Variants in INF2 observed in about 807,000 individuals in gnomAD.
The protein encoded by INF2 is inverted formin-2.
In INF2, 43 loss-of-function variants were observed where a neutral mutation model predicts 123.5. The observed-to-expected ratio is 0.35, with a 90% CI of 0.27 to 0.45. The LOEUF (loss-of-function observed/expected upper bound fraction) is 0.45. Among genes scored for constraint, INF2 ranks in the 20% least tolerant of loss-of-function variants. The pLI, the probability that INF2 is intolerant of heterozygous loss-of-function variation, is 1.00. For synonymous variants in INF2, 851 were observed against 745.0 expected, an observed-to-expected ratio of 1.14 and a Z score of -2.32; for missense variants, 1,453 against 1,682.7, an observed-to-expected ratio of 0.86 and a Z score of 2.39.
chr14:104,689,589 C>CAG, upstream of INF2: 63 of 812,954 alleles, frequency 7.7e-5, no homozygotes, highest in Non-Finnish European at 8.9e-5. Flanking sequence ...CCTCCTCTTC[C>CAG]TCCCGCCCGC....
chr14:104,705,744 G>A (rs776710968), intron 5 of INF2, among the ~76,000 whole-genome samples: 9 of 152,234 alleles, frequency 5.9e-5, no homozygotes, highest in Non-Finnish European at 1.0e-4. Context: ...CTTGGTGCAC[G>A]TTACTCGATG....
intron 1 of INF2, among the ~76,000 whole-genome samples, chr14:104,682,485 A>G (rs1888549747): frequency 6.6e-6 from 1 of 152,178 alleles, no homozygotes; most frequent in Non-Finnish European, 1.5e-5. Context: ...CAGGGCCAGG[A>G]GGCGGGAGGG....
intron 1 of INF2, chr14:104,681,610 G>A: frequency 2.3e-6 from 3 of 1,288,398 alleles, no homozygotes; most frequent in Non-Finnish European, 3.0e-6. Flanking sequence ...ACAAGGCCAA[G>A]CTGGGGTAGC....
upstream of INF2, among the ~76,000 whole-genome samples, chr14:104,686,503 G>A (rs1019923586): frequency 6.6e-6 from 1 of 152,018 alleles, no homozygotes; most frequent in African/African-American, 2.4e-5. Context: ...ATGGATGGAT[G>A]AATGGGTGAA....
chr14:104,703,035 T>C, intron 2 of INF2, 70 bp from the exon 3 acceptor site: 1 of 1,314,568 alleles, frequency 7.6e-7, no homozygotes, highest in Non-Finnish European at 1.1e-6. Flanking sequence ...GCCCCAGCCC[T>C]GAGCCCAGCT....
upstream of INF2, chr14:104,689,483 G>A (rs927701627): frequency 1.3e-4 from 55 of 435,206 alleles, no homozygotes; most frequent in Admixed American, 1.1e-3. Context: ...ACCGGCCACA[G>A]TGGGCGGGGC....
chr14:104,685,047 G>A (rs1888623006), upstream of INF2: 1 of 152,206 alleles, frequency 6.6e-6, no homozygotes, highest in African/African-American at 2.4e-5. Flanking sequence ...GATGCAGACT[G>A]TTCTTAAGCA....
chr14:104,708,343 C>A, intron 8 of INF2, 93 bp from the exon 9 acceptor site: 1 of 1,515,102 alleles, frequency 6.6e-7, no homozygotes, highest in Non-Finnish European at 9.0e-7. Flanking sequence ...GCAGGACATC[C>A]TTTAGACCCT....
chr14:104,701,188 C>T (rs1290992967), intron 1 of INF2, among the ~76,000 whole-genome samples, 169 bp from the exon 2 acceptor site: 1 of 152,174 alleles, frequency 6.6e-6, no homozygotes, highest in Admixed American at 6.5e-5. Context: ...ACAGGGAAGC[C>T]TAAGATATAG....
chr14:104,696,393 G>A (rs1042481117), intron 1 of INF2, among the ~76,000 whole-genome samples: 1 of 152,216 alleles, frequency 6.6e-6, no homozygotes, highest in South Asian at 2.1e-4. Context: ...CCATGCCCCT[G>A]GACACGTGGC....
chr14:104,701,985 G>C (rs1369658864), intron 2 of INF2, among the ~76,000 whole-genome samples: 2 of 152,176 alleles, frequency 1.3e-5, no homozygotes, highest in Non-Finnish European at 2.9e-5. Flanking sequence ...TGCTGCACCA[G>C]CGGTCCCCCT....
chr14:104,706,804 G>C lies in INF2; in HGVS notation c.844-106G>C, dbSNP rs546766191. 5 of 1,302,096 alleles carry C rather than the reference G, an allele frequency of 3.8e-6. No homozygotes were observed. In the African/African-American group the frequency reaches 5.9e-5, roughly 15 times the overall value. 80.7% of individuals were successfully genotyped at this position (1,302,096 alleles called of 1,614,324 possible). Reference sequence around the variant, plus strand: ...AACTCTCATCTCTAGGGATCCGTGGGAATAGAGGGGGTGATGGGGCTGGAC... The same window carrying C: ...AACTCTCATCTCTAGGGATCCGTGGCAATAGAGGGGGTGATGGGGCTGGAC... On this transcript the variant is annotated intron_variant, in intron 6 of 22. Transcript: ENST00000392634.
In INF2 at chr14:104,707,763, G is replaced by GCCCCCC; in HGVS notation, c.1499_1500insCCCCCC (p.Pro504_Pro505dup). 3 of 1,042,966 alleles carry GCCCCCC rather than the reference G, an allele frequency of 2.9e-6. No individual in the cohort carries two copies. Among genetic ancestry groups the GCCCCCC allele is most frequent in the South Asian group, 2.7e-5 (2 of 73,258 alleles). 64.6% of individuals were successfully genotyped at this position (1,042,966 alleles called of 1,614,324 possible). ...CCTCCACCACTCCCGGGCTTGGGAT[G>GCCCCCC]CCCGCCCCCACCCCCACCCCTGCTG... On this transcript the variant is annotated inframe_insertion, in exon 8 of 23. Transcript: ENST00000392634.
intron 12 of INF2, 52 bp from the exon 13 acceptor site, chr14:104,710,036 C>A: frequency 7.0e-7 from 1 of 1,435,174 alleles, no homozygotes; most frequent in Non-Finnish European, 9.6e-7. Context: ...GCCCCTCTGG[C>A]AGGGACAGGT....
In INF2 at chr14:104,706,874, C is replaced by T. The variant is rs7142337; in HGVS notation, c.844-36C>T. 0.01 allele frequency: 16,671 copies of T among 1,597,180 alleles called. 1,171 individuals are homozygous for T. The African/African-American group carries it at 0.17, about 17-fold the overall frequency. ...AGTCCTTAGTCCACCAGGGAGGGGC[C>T]GGCTGCTGACCTGCACCCCACACTC... On this transcript the variant is annotated intron_variant, in intron 6 of 22. Transcript: ENST00000392634.
chr14:104,689,631 G>T lies in INF2; in HGVS notation c.-118G>T. The T allele has an allele frequency of 1.7e-6, 1 of 600,070 alleles. No homozygotes were observed. The highest frequency in any genetic ancestry group is 2.1e-6 in the Non-Finnish European group (1 of 483,522). 37.2% of individuals were successfully genotyped at this position (600,070 alleles called of 1,614,324 possible). ...CGCCCCGCGCCCGCCAGGAGCCACC[G>T]TCCGAGCCTTGCGGAGCGCGGCAGT... On this transcript the variant is annotated 5_prime_UTR_variant, in exon 1 of 23. Transcript: ENST00000392634.
At position 104,701,561 on chromosome 14, in the gene INF2, G is replaced by A. The variant is rs1332843219; in HGVS notation, c.196G>A (p.Val66Met). ...RLEGSDGGWM[V>M]QFLEQSGLDL... is the part of the protein sequence containing the mutation. ...GGAGGGCAGCGACGGCGGCTGGATG[G>A]TGCAGTTCCTGGAGCAGAGCGGCCT... Residue 66 changes from valine to methionine, a missense_variant, in exon 2 of 23, where the codon GTG (valine) becomes ATG (methionine). Physicochemically the swap from Val to Met is conservative, Grantham distance 21. Around this residue, in one of 8 missense-constraint regions of INF2, gnomAD observed 251 missense variants for 349.4 expected, o/e 0.72. Transcript: ENST00000392634. 1 of 1,608,730 alleles carries A rather than the reference G, an allele frequency of 6.2e-7. No homozygotes were observed.
chr14:104,700,347 C>T (rs1000404109), intron 1 of INF2, among the ~76,000 whole-genome samples: 13 of 152,164 alleles, frequency 8.5e-5, no homozygotes, highest in Non-Finnish European at 1.2e-4. Flanking sequence ...AAGCCGAGGG[C>T]CAGGGTGGAG....
In INF2 at chr14:104,699,293, A is replaced by G. The variant is rs2140628412; in HGVS notation, c.-9-2064A>G. 1 of 611,338 alleles carries G rather than the reference A, an allele frequency of 1.6e-6. No homozygotes were observed. Among genetic ancestry groups the G allele is most frequent in the Non-Finnish European group, 2.0e-6 (1 of 489,108 alleles). 37.9% of individuals were successfully genotyped at this position (611,338 alleles called of 1,614,324 possible). A position where few individuals can be genotyped will look rare whatever the true frequency, so the allele number is the denominator to read the frequency against. On this transcript the variant is annotated intron_variant, in intron 1 of 22. Coordinates refer to ENST00000392634, the MANE Select transcript of INF2 (RefSeq NM_022489.4). The surrounding 1 kb of genome is among the most constrained non-coding windows in gnomAD (Gnocchi z 4.7). ...TCCACTCAGCCTGTGCCAAGGGGAC[A>G]GGGACTCCGGCCAATGGAGGCGGGG...
Sources: gnomAD v4.1 joint callset for allele counts (sites outside exome capture counted in the v4.1 genomes callset) on GRCh38, gnomAD v4.1.1 for gene constraint, gnomAD v4.1.1 regional missense constraint, Gnocchi (gnomAD v3.1) non-coding constraint, MANE v1.5 for transcripts, NCBI Gene and HGNC (gene_info 2026-07-23, HGNC 2026-07-21) for gene names.